The following TSGA10 variants were observed in gnomAD, a reference collection of about 807,000 sequenced individuals.
TSGA10 encodes the protein testis-specific gene 10 protein.
In TSGA10, 43 loss-of-function variants were observed where a neutral mutation model predicts 96.6. The ratio of observed to expected loss-of-function variants is 0.44; its 90% confidence interval spans 0.35 to 0.57. The LOEUF is 0.57. TSGA10 is among the 20% of genes least tolerant of loss of function. TSGA10 has a pLI of 0.01. For synonymous variants in TSGA10, 229 were observed against 269.9 expected (o/e 0.85, Z 1.48); for missense variants, 703 against 834.4 (o/e 0.84, Z 1.94).
chr2:99,013,851 A>G (rs2079237491), intron 20 of TSGA10, among the ~76,000 whole-genome samples: 1 of 151,858 alleles, frequency 6.6e-6, no homozygotes, highest in Non-Finnish European at 1.5e-5. Context: ...CCCTGTCTCT[A>G]CTAAAAATAC....
At chr2:99,119,840 C>T (rs987093476) in intron 2 of TSGA10, among the ~76,000 whole-genome samples, 8 of 152,154 alleles carry the variant, frequency 5.3e-5, no homozygotes, top group Non-Finnish European at 1.2e-4. Flanking sequence ...ATTTCAGCTA[C>T]TTTCTTTTAA....
At chr2:99,077,396 A>C (rs1558938653) in intron 12 of TSGA10, among the ~76,000 whole-genome samples, 1 of 152,056 alleles carries the variant, frequency 6.6e-6, no homozygotes, top group East Asian at 1.9e-4. Context: ...AAATTAATGA[A>C]TGAGTTACCT....
In TSGA10 at chr2:99,049,539, C is replaced by T. The variant is rs372116239; in HGVS notation, c.1405-14100G>A. 2.0e-4 allele frequency among the ~76,000 whole-genome samples: 31 copies of T among 151,754 alleles called. No homozygotes were observed. The South Asian group carries it at 3.6e-3, about 17-fold the overall frequency. On this transcript the variant is annotated intron_variant, in intron 16 of 20. Coordinates refer to ENST00000393483, the MANE Select transcript of TSGA10 (RefSeq NM_025244.4). ...AGTGGGAGTTCAACAATGAGAACAC[C>T]GGGACACAGGGAGGGGAACATCACA...
chr2:99,144,052 G>A (rs1047928497), intron 1 of TSGA10, among the ~76,000 whole-genome samples: 12 of 151,176 alleles, frequency 7.9e-5, no homozygotes, highest in African/African-American at 2.4e-4. Flanking sequence ...ATGGAGTCTC[G>A]CTTTGTCTCC....
chr2:99,085,947 C>T (rs964883149), intron 10 of TSGA10, among the ~76,000 whole-genome samples: 2 of 152,222 alleles, frequency 1.3e-5, no homozygotes, highest in African/African-American at 2.4e-5. Flanking sequence ...CATTAGTCTA[C>T]GGATCAACAG....
intron 20 of TSGA10, among the ~76,000 whole-genome samples, chr2:99,000,180 T>C (rs1040007362): frequency 3.3e-5 from 5 of 152,086 alleles, no homozygotes; most frequent in African/African-American, 1.2e-4. Flanking sequence ...GAGACCAGCC[T>C]GGTCAACATG....
intron 18 of TSGA10, 55 bp downstream of exon 18, chr2:99,020,225 A>G: frequency 2.0e-6 from 3 of 1,486,372 alleles, no homozygotes; most frequent in Non-Finnish European, 2.8e-6. Context: ...AATTTCTACT[A>G]AAGTACCAAA....
intron 10 of TSGA10, among the ~76,000 whole-genome samples, chr2:99,089,109 C>T (rs1419451958): frequency 1.3e-5 from 2 of 152,148 alleles, no homozygotes; most frequent in Non-Finnish European, 2.9e-5. Flanking sequence ...TGGGGATCAT[C>T]CACCCCTGAA....
chr2:98,999,472 TGTCA>T (rs1331208957), intron 20 of TSGA10, among the ~76,000 whole-genome samples: 1 of 152,250 alleles, frequency 6.6e-6, no homozygotes, highest in East Asian at 1.9e-4. Flanking sequence ...AGATAATAGG[TGTCA>T]GTCAAAGGAC....
At chr2:99,043,025 G>T (rs2082353371) in intron 16 of TSGA10, among the ~76,000 whole-genome samples, 1 of 151,992 alleles carries the variant, frequency 6.6e-6, no homozygotes, top group South Asian at 2.1e-4. Context: ...TAAGATTGAG[G>T]AGAACACATT....
intron 10 of TSGA10, among the ~76,000 whole-genome samples, chr2:99,087,275 G>A (rs1447564070): frequency 6.6e-6 from 1 of 152,012 alleles, no homozygotes; most frequent in African/African-American, 2.4e-5. Flanking sequence ...GGGAGGTCGA[G>A]GCAGGCAGAT....
intron 13 of TSGA10, 107 bp from the exon 14 acceptor site, chr2:99,071,981 G>A (rs1353778567): frequency 1.0e-6 from 1 of 967,344 alleles, no homozygotes; most frequent in African/African-American, 1.7e-5. Context: ...CATTTGAAGA[G>A]ATTTTAAACA....
At position 99,136,527 on chromosome 2, in the gene TSGA10, G is replaced by A. The variant is rs2105067449; in HGVS notation, c.-620-9351C>T. On this transcript the variant is annotated intron_variant, in intron 1 of 20. Transcript: ENST00000393483. ...AAAAAAAGTATTTCTGCCGGGCGCGGTGGCTCACGCCTGTAATCCCAGCAC... is the reference window on the plus strand; with the variant it reads ...AAAAAAAGTATTTCTGCCGGGCGCGATGGCTCACGCCTGTAATCCCAGCAC... Among the ~76,000 whole-genome samples, 2 of 27,254 alleles carry A rather than the reference G, an allele frequency of 7.3e-5. 1 individual carries two copies. Among genetic ancestry groups the A allele is most frequent in the South Asian group, 2.9e-3 (2 of 692 alleles). 17.9% of individuals were successfully genotyped at this position (27,254 alleles called of 152,430 possible). A position where few individuals can be genotyped will look rare whatever the true frequency, so the allele number is the denominator to read the frequency against.
intron 16 of TSGA10, among the ~76,000 whole-genome samples, chr2:99,042,981 G>A (rs892978342): frequency 3.9e-5 from 6 of 152,138 alleles, no homozygotes; most frequent in Non-Finnish European, 2.9e-5. Flanking sequence ...TTACAGGGAT[G>A]AGGCCACCAT....
chr2:99,119,965 G>A (rs928432392), intron 2 of TSGA10, among the ~76,000 whole-genome samples: 6 of 152,156 alleles, frequency 3.9e-5, no homozygotes, highest in African/African-American at 7.2e-5. Flanking sequence ...CACTAAAAAT[G>A]TCTGTTAACT....
chr2:99,028,280 T>C (rs59252741), intron 17 of TSGA10, among the ~76,000 whole-genome samples: 8,250 of 152,324 alleles, frequency 0.054, 420 homozygotes, highest in East Asian at 0.21. Flanking sequence ...TCCAATTACA[T>C]TTGATCCCTT....
intron 10 of TSGA10, among the ~76,000 whole-genome samples, chr2:99,087,090 G>C (rs1281590184): frequency 6.6e-6 from 1 of 152,112 alleles, no homozygotes; most frequent in East Asian, 1.9e-4. Context: ...TGTAGTCCCA[G>C]CTACTGGGGA....
At chr2:99,063,077 C>G (rs1030376450) in intron 16 of TSGA10, among the ~76,000 whole-genome samples, 2 of 152,138 alleles carry the variant, frequency 1.3e-5, no homozygotes, top group African/African-American at 2.4e-5. Context: ...ACCAATGGAG[C>G]AGAATGTATG....
chr2:99,118,520 A>G, intron 3 of TSGA10, 31 bp downstream of exon 3: 1 of 955,938 alleles, frequency 1.0e-6, no homozygotes, highest in South Asian at 4.8e-5. Context: ...TAACTTTTTA[A>G]AAAGTCCTTT....
Sources: allele counts gnomAD v4.1 joint callset (sites outside exome capture counted in the v4.1 genomes callset), GRCh38; gene constraint gnomAD v4.1.1; transcripts MANE v1.5; gene names NCBI Gene and HGNC (gene_info 2026-07-23, HGNC 2026-07-21).